The following CELF4 variants were observed in gnomAD, a reference collection of about 807,000 sequenced individuals.
The protein encoded by CELF4 is CUGBP Elav-like family member 4.
In CELF4, 18 loss-of-function variants were observed where a neutral mutation model predicts 59.9. That is an observed-to-expected ratio of 0.30 (90% CI 0.21 to 0.45). The LOEUF (loss-of-function observed/expected upper bound fraction) is 0.45. Among genes scored for constraint, CELF4 ranks in the 20% least tolerant of loss-of-function variants. CELF4 has a pLI of 1.00. For missense variants in CELF4, 456 were observed against 689.0 expected (o/e 0.66, Z 3.79); for synonymous variants, 261 against 267.1 (o/e 0.98, Z 0.22).
intron 2 of CELF4, among the ~76,000 whole-genome samples, chr18:37,386,508 G>A (rs1424570938): frequency 1.3e-5 from 2 of 152,178 alleles, no homozygotes; most frequent in African/African-American, 4.8e-5. Flanking sequence ...GAGGCGGAGA[G>A]CCGTACTGAC....
At chr18:37,381,216 C>T (rs1231788830) in intron 2 of CELF4, among the ~76,000 whole-genome samples, 1 of 152,208 alleles carries the variant, frequency 6.6e-6, no homozygotes, top group Non-Finnish European at 1.5e-5. Context: ...AGGCCGTACA[C>T]TAGTACTGGA....
chr18:37,404,764 C>T (rs888582772), intron 2 of CELF4, among the ~76,000 whole-genome samples: 1 of 152,188 alleles, frequency 6.6e-6, no homozygotes, highest in East Asian at 1.9e-4. Flanking sequence ...GCTGCCCTAA[C>T]AGTGAGGTCC....
chr18:37,353,769 T>TC (rs1293781601), intron 2 of CELF4, among the ~76,000 whole-genome samples: 4 of 25,046 alleles, frequency 1.6e-4, no homozygotes, highest in African/African-American at 3.9e-4. Flanking sequence ...AGTTCTTTCT[T>TC]TTTTTTTTTT....
chr18:37,451,105 C>T (rs1254257327), intron 2 of CELF4, among the ~76,000 whole-genome samples: 1 of 152,172 alleles, frequency 6.6e-6, no homozygotes, highest in African/African-American at 2.4e-5. Flanking sequence ...CCAGGCTCTG[C>T]AATGGGACAA....
chr18:37,511,955 A>G (rs879625825), intron 1 of CELF4, among the ~76,000 whole-genome samples: 63 of 151,882 alleles, frequency 4.1e-4, no homozygotes, highest in Non-Finnish European at 6.6e-4. Flanking sequence ...GTGGGGATAG[A>G]GGAGGGGGCA....
intron 2 of CELF4, among the ~76,000 whole-genome samples, chr18:37,482,652 C>T (rs2099871275): frequency 6.6e-6 from 1 of 152,130 alleles, no homozygotes; most frequent in African/African-American, 2.4e-5. Flanking sequence ...ATGTCAGCTT[C>T]CCTTTTCAGG....
intron 2 of CELF4, among the ~76,000 whole-genome samples, chr18:37,444,955 C>T (rs1046774070): frequency 6.6e-6 from 1 of 152,138 alleles, no homozygotes; most frequent in Non-Finnish European, 1.5e-5. Context: ...CCTGGGCTTG[C>T]GGCCTGCAGA....
At chr18:37,359,698 G>A (rs1048440780) in intron 2 of CELF4, among the ~76,000 whole-genome samples, 4 of 152,078 alleles carry the variant, frequency 2.6e-5, no homozygotes, top group Non-Finnish European at 1.5e-5. Context: ...ACAGGCACGT[G>A]CCAACATGCC....
intron 2 of CELF4, among the ~76,000 whole-genome samples, chr18:37,409,169 C>G (rs2099413770): frequency 6.6e-6 from 1 of 152,200 alleles, no homozygotes; most frequent in African/African-American, 2.4e-5. Context: ...ATTTGATTTC[C>G]CACATGAATA....
intron 8 of CELF4, among the ~76,000 whole-genome samples, chr18:37,266,938 G>A (rs889767899): frequency 1.4e-5 from 2 of 142,386 alleles, no homozygotes; most frequent in African/African-American, 5.9e-5. Context: ...TGCTGGTGGT[G>A]GGGGGGGACA....
chr18:37,299,556 G>A (rs141965901), intron 3 of CELF4, among the ~76,000 whole-genome samples: 57 of 152,328 alleles, frequency 3.7e-4, no homozygotes, highest in Non-Finnish European at 6.3e-4. Context: ...CAGGAGGAAG[G>A]TGTGAGAACC....
At chr18:37,508,815 C>T (rs898128569) in intron 1 of CELF4, among the ~76,000 whole-genome samples, 22 of 152,336 alleles carry the variant, frequency 1.4e-4, no homozygotes, top group African/African-American at 4.8e-4. Flanking sequence ...AGGCCTCTTC[C>T]CTCTGAGCCA....
chr18:37,334,520 T>G (rs929968303), intron 2 of CELF4, among the ~76,000 whole-genome samples: 2 of 151,330 alleles, frequency 1.3e-5, no homozygotes, highest in African/African-American at 4.9e-5. Context: ...TGGGTGGGAG[T>G]GAGAAGGGGG....
rs1222119952 is a variant in CELF4, at chr18:37,245,666, G to T, written c.*45-469C>A. 6.6e-6 allele frequency among the ~76,000 whole-genome samples: 1 copy of T among 152,168 alleles called. No individual in the cohort carries two copies. Among genetic ancestry groups the T allele is most frequent in the South Asian group, 2.1e-4 (1 of 4,826 alleles). On this transcript the variant is annotated intron_variant, in intron 12 of 12. Coordinates refer to ENST00000420428, the MANE Select transcript of CELF4 (RefSeq NM_020180.4). The surrounding 1 kb of genome is among the most constrained non-coding windows in gnomAD (Gnocchi z 4.1). ...CAAGGGAAAGAAGGAAGACACATCCGTGACTCAAATTTTGTAGAATCCTTG... is the reference window on the plus strand; with the variant it reads ...CAAGGGAAAGAAGGAAGACACATCCTTGACTCAAATTTTGTAGAATCCTTG...
At chr18:37,504,714 C>A (rs2099935733) in intron 1 of CELF4, among the ~76,000 whole-genome samples, 1 of 152,278 alleles carries the variant, frequency 6.6e-6, no homozygotes, top group East Asian at 1.9e-4. Flanking sequence ...AGGGGCGGTG[C>A]TTAGCACTAA....
At chr18:37,483,931 TAAAC>T (rs2099875724) in intron 2 of CELF4, among the ~76,000 whole-genome samples, 1 of 152,194 alleles carries the variant, frequency 6.6e-6, no homozygotes, top group African/African-American at 2.4e-5. Context: ...ATATGTAAAA[TAAAC>T]AACCACAAGT....
At chr18:37,322,001 C>T in intron 2 of CELF4, 120 bp from the exon 3 acceptor site, 1 of 653,098 alleles carries the variant, frequency 1.5e-6, no homozygotes, top group Middle Eastern at 2.6e-4. Context: ...ACACGCGCTC[C>T]CACAACATGC....
In CELF4 at chr18:37,565,785, C is replaced by A. The variant is rs888671607; in HGVS notation, c.-144G>T. The A allele has an allele frequency of 1.6e-5, 9 of 554,848 alleles. No homozygotes were observed. Among genetic ancestry groups the A allele is most frequent in the Middle Eastern group, 5.0e-4 (1 of 2,002 alleles). The allele number at this position is 554,848 out of a possible 1,614,324, so 34.4% of individuals were successfully genotyped here. On this transcript the variant is annotated 5_prime_UTR_variant, in exon 1 of 13. Transcript: ENST00000420428. Reference sequence around the variant, plus strand: ...TTCTCTACACCTCGCTCTCCGCTCGCTCTCTGCTCTCTCTCTTTCTCCTCT... The same window carrying A: ...TTCTCTACACCTCGCTCTCCGCTCGATCTCTGCTCTCTCTCTTTCTCCTCT...
rs181154715 is a variant in CELF4 at position 37,544,864 on chromosome 18, G to A, written c.286+20492C>T. Among the ~76,000 whole-genome samples, 7 of 152,312 alleles carry A rather than the reference G, an allele frequency of 4.6e-5. No individual in the cohort carries two copies. The East Asian group carries it at 1.4e-3, about 29-fold the overall frequency. On this transcript the variant is annotated intron_variant, in intron 1 of 12. Transcript: ENST00000420428. ...TTAGGGGATACTCAGGAGGGTGTCT[G>A]GTTGAGGCCTGAGGAAGCCGCAGCA...
Sources: gnomAD v4.1 joint callset for allele counts (sites outside exome capture counted in the v4.1 genomes callset) on GRCh38, gnomAD v4.1.1 for gene constraint, Gnocchi (gnomAD v3.1) non-coding constraint, MANE v1.5 for transcripts, NCBI Gene and HGNC (gene_info 2026-07-23, HGNC 2026-07-21) for gene names.